The following ASZ1 variants were observed in gnomAD, a reference collection of about 807,000 sequenced individuals.
ASZ1 encodes ankyrin repeat, SAM and basic leucine zipper domain-containing protein 1.
Under a neutral mutation model 61.8 loss-of-function variants are expected in ASZ1, and 67 were observed. The ratio of observed to expected loss-of-function variants is 1.08; its 90% CI spans 0.89 to 1.33. The LOEUF is 1.33. ASZ1 is among the 40% of genes most tolerant of loss of function. The pLI, the probability that ASZ1 is intolerant of heterozygous loss-of-function variation, is 0.00. For missense variants in ASZ1, 577 were observed against 554.5 expected, an observed-to-expected ratio of 1.04 and a Z score of -0.41; for synonymous variants, 193 against 192.7, an observed-to-expected ratio of 1.00 and a Z score of -0.01.
intron 4 of ASZ1, among the ~76,000 whole-genome samples, chr7:117,386,170 T>A (rs760255827): frequency 5.9e-5 from 9 of 152,194 alleles, no homozygotes; most frequent in Non-Finnish European, 1.2e-4. Flanking sequence ...ATGACACAAA[T>A]AAGGTCCCTG....
intron 4 of ASZ1, among the ~76,000 whole-genome samples, chr7:117,406,889 G>C (rs1796793724): frequency 1.3e-5 from 2 of 152,098 alleles, no homozygotes; most frequent in Non-Finnish European, 2.9e-5. Context: ...TACTAATTTA[G>C]AGTAGACTCT....
rs112316109 is a variant in ASZ1 at position 117,379,364 on chromosome 7, T to C, written c.1055+574A>G. 4.3e-3 allele frequency among the ~76,000 whole-genome samples: 653 copies of C among 151,618 alleles called. 4 individuals are homozygous for C. Among genetic ancestry groups the C allele is most frequent in the African/African-American group, 0.015 (605 of 41,476 alleles). On this transcript the variant is annotated intron_variant, in intron 10 of 12. Transcript: ENST00000284629. ...ATCTTTGAAATATCCCAATAATCTA[T>C]ATTTCAAAAAATTTTTAAAAATCAT...
At chr7:117,398,968 C>T (rs545522403) in intron 4 of ASZ1, among the ~76,000 whole-genome samples, 1 of 152,292 alleles carries the variant, frequency 6.6e-6, no homozygotes, top group East Asian at 1.9e-4. Context: ...GTGGCTCAAA[C>T]CTGTAGTATC....
intron 4 of ASZ1, among the ~76,000 whole-genome samples, chr7:117,389,303 T>C (rs1349143233): frequency 6.6e-6 from 1 of 152,110 alleles, no homozygotes; most frequent in Non-Finnish European, 1.5e-5. Flanking sequence ...ACCTAATAGG[T>C]AGTTTTTCAA....
intron 10 of ASZ1, among the ~76,000 whole-genome samples, chr7:117,378,409 T>C (rs1796177200): frequency 6.6e-6 from 1 of 152,056 alleles, no homozygotes; most frequent in Non-Finnish European, 1.5e-5. Context: ...AGTACACATA[T>C]GGCAAATAAG....
intron 12 of ASZ1, among the ~76,000 whole-genome samples, chr7:117,365,018 C>A (rs1341444910): frequency 6.6e-6 from 1 of 152,064 alleles, no homozygotes; most frequent in Non-Finnish European, 1.5e-5. Flanking sequence ...AAAAAAAAAT[C>A]CCTTCAATTA....
At chr7:117,384,596 T>C (rs1045308167) in intron 6 of ASZ1, 130 bp downstream of exon 6, 2 of 1,093,242 alleles carry the variant, frequency 1.8e-6, no homozygotes, top group Non-Finnish European at 2.5e-6. Context: ...GAAAGATACA[T>C]ATTTAAACAT....
intron 9 of ASZ1, among the ~76,000 whole-genome samples, chr7:117,380,668 C>T (rs754020369): frequency 9.3e-5 from 14 of 151,228 alleles, no homozygotes; most frequent in Admixed American, 2.0e-4. Flanking sequence ...GCTTGGGAGA[C>T]GTGTTAATAC....
At chr7:117,407,026 C>A (rs1037855929) in intron 4 of ASZ1, among the ~76,000 whole-genome samples, 5 of 151,696 alleles carry the variant, frequency 3.3e-5, no homozygotes, top group African/African-American at 1.2e-4. Context: ...AAAAAATAAT[C>A]AGAACTGGGA....
At chr7:117,388,716 A>G (rs192898354) in intron 4 of ASZ1, among the ~76,000 whole-genome samples, 5 of 152,312 alleles carry the variant, frequency 3.3e-5, no homozygotes, top group Non-Finnish European at 5.9e-5. Context: ...CTTTCCCCCA[A>G]CATCAGAAAC....
chr7:117,425,994 C>G (rs1332368601), intron 2 of ASZ1, among the ~76,000 whole-genome samples: 1 of 151,956 alleles, frequency 6.6e-6, no homozygotes, highest in Non-Finnish European at 1.5e-5. Flanking sequence ...ACTCCATCCC[C>G]TTCCTTCAAC....
At chr7:117,427,025 G>A in intron 1 of ASZ1, 90 bp from the exon 2 acceptor site, 1 of 1,318,970 alleles carries the variant, frequency 7.6e-7, no homozygotes, top group Admixed American at 2.7e-5. Context: ...TAAGTACACA[G>A]GTTTTTTTTC....
intron 4 of ASZ1, among the ~76,000 whole-genome samples, chr7:117,415,133 C>T (rs1796965593): frequency 6.6e-6 from 1 of 152,126 alleles, no homozygotes; most frequent in Admixed American, 6.5e-5. Flanking sequence ...CCTATTTCTC[C>T]ACATCCTCTC....
chr7:117,371,047 A>C (rs1310392095), intron 10 of ASZ1, among the ~76,000 whole-genome samples: 1 of 150,858 alleles, frequency 6.6e-6, no homozygotes. Flanking sequence ...CTCGCCTTGA[A>C]CTCCTGGCCT....
intron 4 of ASZ1, among the ~76,000 whole-genome samples, chr7:117,412,896 C>T (rs994997): frequency 0.54 from 81,373 of 151,542 alleles, 24,737 homozygotes; most frequent in African/African-American, 0.84. Context: ...AATAAAAATG[C>T]CAACTCCAAA....
Position 117,374,004 on chromosome 7 carries a change from A to G in ASZ1, c.1056-5287T>C, listed in dbSNP as rs189907627. On this transcript the variant is annotated intron_variant, in intron 10 of 12. Coordinates refer to ENST00000284629, the MANE Select transcript of ASZ1 (RefSeq NM_130768.3). ...CCTTCACAATGCATTTAAATATTTA[A>G]GAGCTATTATGTTATTCTGAAACAA... is the stretch of plus-strand genomic sequence containing the variant. 5.8e-3 allele frequency among the ~76,000 whole-genome samples: 880 copies of G among 152,244 alleles called. 6 individuals carry two copies. Among genetic ancestry groups the G allele is most frequent in the Non-Finnish European group, 9.7e-3 (661 of 67,986 alleles).
intron 4 of ASZ1, among the ~76,000 whole-genome samples, chr7:117,397,246 A>G (rs898829234): frequency 4.8e-5 from 7 of 146,060 alleles, no homozygotes; most frequent in South Asian, 2.1e-4. Context: ...GAACCGAACC[A>G]AACCAAACCA....
At chr7:117,412,390 A>G (rs1013893185) in intron 4 of ASZ1, among the ~76,000 whole-genome samples, 15 of 151,900 alleles carry the variant, frequency 9.9e-5, no homozygotes, top group Non-Finnish European at 2.1e-4. Flanking sequence ...ATTCCAGTCT[A>G]TGCTTTCAGA....
rs200281562 is a variant in ASZ1, at chr7:117,422,259, A to G, written c.306T>C (p.Gly102=). ...TACCCTTCTCAAAGCTTGCATTAGC[A>G]CCTCTGTCCAAAAGGACCCGAACCA... The part of the protein sequence containing the change: ...AELVRVLLDR[G]ANASFEKDKQ... The change falls in exon 3 of 13, where the codon GGT becomes GGC. Residue 102 remains glycine (G), a synonymous_variant. Coordinates refer to ENST00000284629, the MANE Select transcript of ASZ1 (RefSeq NM_130768.3). The G allele has an allele frequency of 9.9e-6, 16 of 1,613,800 alleles. 1 individual carries two copies. Among genetic ancestry groups the G allele is most frequent in the Middle Eastern group, 3.3e-4 (2 of 6,062 alleles).
Sources: gnomAD v4.1 joint callset for allele counts (sites outside exome capture counted in the v4.1 genomes callset) on GRCh38, gnomAD v4.1.1 for gene constraint, MANE v1.5 for transcripts, NCBI Gene and HGNC (gene_info 2026-07-23, HGNC 2026-07-21) for gene names.